CNTN5: variants seen among roughly 807,000 people sequenced by gnomAD.
The protein encoded by CNTN5 is contactin 5.
In CNTN5, 77 loss-of-function variants were observed where a neutral mutation model predicts 129.1. That is an observed-to-expected ratio of 0.60 (90% CI 0.50 to 0.72). The LOEUF (loss-of-function observed/expected upper bound fraction) is 0.72. Among genes scored for constraint, CNTN5 ranks in the 30% least tolerant of loss-of-function variants. The pLI, the probability that CNTN5 is intolerant of heterozygous loss-of-function variation, is 0.00. For synonymous variants in CNTN5, 509 were observed against 465.6 expected (o/e 1.09, Z -1.20); for missense variants, 1,478 against 1,328.8 (o/e 1.11, Z -1.75).
At chr11:99,411,566 A>C in intron 2 of CNTN5, among the ~76,000 whole-genome samples, 1 of 152,304 alleles carries the variant, frequency 6.6e-6, no homozygotes, top group Non-Finnish European at 1.5e-5. Flanking sequence ...AAAATTAGAA[A>C]GAAGCTCTTT....
intron 2 of CNTN5, among the ~76,000 whole-genome samples, chr11:99,554,218 C>T (rs1407004657): frequency 6.6e-6 from 1 of 152,076 alleles, no homozygotes; most frequent in Non-Finnish European, 1.5e-5. Context: ...CACAGGTTGT[C>T]CCTTTACTCT....
chr11:99,079,026 T>C (rs963345673), intron 1 of CNTN5, among the ~76,000 whole-genome samples: 1 of 152,162 alleles, frequency 6.6e-6, no homozygotes, highest in African/African-American at 2.4e-5. Context: ...TATTACACAT[T>C]GTATGCCTGT....
intron 3 of CNTN5, among the ~76,000 whole-genome samples, chr11:99,608,131 A>G (rs2135720827): frequency 6.7e-6 from 1 of 150,136 alleles, no homozygotes; most frequent in Admixed American, 6.6e-5. Flanking sequence ...GTGTTTGTGA[A>G]CTCAAAACTT....
chr11:99,637,812 A>G (rs1480129721), intron 3 of CNTN5, among the ~76,000 whole-genome samples: 1 of 151,598 alleles, frequency 6.6e-6, no homozygotes, highest in Non-Finnish European at 1.5e-5. Flanking sequence ...ATTATTTTAT[A>G]CATATTCAAA....
chr11:99,874,771 A>AG (rs1402434675), intron 6 of CNTN5, among the ~76,000 whole-genome samples: 2 of 152,208 alleles, frequency 1.3e-5, no homozygotes, highest in Non-Finnish European at 2.9e-5. Context: ...TTGATAAAAA[A>AG]GTAATTTATG....
intron 13 of CNTN5, among the ~76,000 whole-genome samples, chr11:100,087,394 A>G (rs1431768281): frequency 6.6e-6 from 1 of 151,872 alleles, no homozygotes; most frequent in Non-Finnish European, 1.5e-5. Flanking sequence ...AGAAATTTCT[A>G]CCAAAAAAAA....
At chr11:100,069,577 C>A (rs1475519129) in intron 10 of CNTN5, among the ~76,000 whole-genome samples, 2 of 152,048 alleles carry the variant, frequency 1.3e-5, no homozygotes, top group South Asian at 2.1e-4. Flanking sequence ...TTCTTAATAG[C>A]CTCTAAGATC....
intron 2 of CNTN5, among the ~76,000 whole-genome samples, chr11:99,419,960 G>T (rs1942815881): frequency 6.6e-6 from 1 of 152,024 alleles, no homozygotes; most frequent in African/African-American, 2.4e-5. Context: ...AAAAAAAGGA[G>T]TCTCCGTCTG....
At chr11:99,855,911 A>G (rs906375157) in intron 6 of CNTN5, among the ~76,000 whole-genome samples, 1 of 152,180 alleles carries the variant, frequency 6.6e-6, no homozygotes, top group African/African-American at 2.4e-5. Context: ...ATTTTTTTCA[A>G]TAAAATACAA....
At chr11:99,549,606 T>C (rs1948415721) in intron 2 of CNTN5, among the ~76,000 whole-genome samples, 1 of 152,176 alleles carries the variant, frequency 6.6e-6, no homozygotes. Context: ...TAATATTCTC[T>C]GTATTACTTT....
intron 13 of CNTN5, among the ~76,000 whole-genome samples, chr11:100,094,256 T>C (rs1012812270): frequency 2.0e-5 from 3 of 152,010 alleles, no homozygotes; most frequent in Non-Finnish European, 4.4e-5. Context: ...ACTGAAAACT[T>C]CTTCTTTCTC....
intron 2 of CNTN5, among the ~76,000 whole-genome samples, chr11:99,367,495 G>A (rs1939526159): frequency 6.6e-6 from 1 of 152,108 alleles, no homozygotes; most frequent in Non-Finnish European, 1.5e-5. Flanking sequence ...TTATTTTTGT[G>A]TGTAGGGAGA....
intron 1 of CNTN5, among the ~76,000 whole-genome samples, chr11:99,281,871 T>C (rs939593588): frequency 2.6e-5 from 4 of 152,038 alleles, no homozygotes; most frequent in African/African-American, 9.7e-5. Flanking sequence ...GATTGAAGGA[T>C]TTTCTTGCAC....
intron 2 of CNTN5, among the ~76,000 whole-genome samples, chr11:99,514,070 T>C (rs1030070085): frequency 6.6e-6 from 1 of 151,896 alleles, no homozygotes; most frequent in African/African-American, 2.4e-5. Context: ...TAACAAGGGG[T>C]TAAAAGATGT....
intron 3 of CNTN5, among the ~76,000 whole-genome samples, chr11:99,803,666 T>C (rs1391988574): frequency 6.6e-6 from 1 of 152,186 alleles, no homozygotes. Context: ...CTCTCTAAGT[T>C]AGCCCCAGGG....
At chr11:99,958,283 AG>A (rs1950855258) in intron 8 of CNTN5, among the ~76,000 whole-genome samples, 1 of 152,244 alleles carries the variant, frequency 6.6e-6, no homozygotes, top group African/African-American at 2.4e-5. Flanking sequence ...TTAAGAAGGT[AG>A]GATTACCAGC....
At chr11:99,480,093 AT>A (rs750076144) in intron 2 of CNTN5, among the ~76,000 whole-genome samples, 8 of 152,204 alleles carry the variant, frequency 5.3e-5, no homozygotes, top group Non-Finnish European at 1.2e-4. Context: ...GATTTGTGAT[AT>A]CTTTGATGCT....
intron 2 of CNTN5, among the ~76,000 whole-genome samples, chr11:99,329,705 A>G (rs1865924690): frequency 6.6e-6 from 1 of 152,142 alleles, no homozygotes; most frequent in Admixed American, 6.6e-5. Context: ...ATTCTAACAA[A>G]TGGAAAGATT....
rs1021131159 is a variant in CNTN5 at position 99,423,844 on chromosome 11, C to T, written c.-71+98360C>T. On this transcript the variant is annotated intron_variant, in intron 2 of 24. Coordinates refer to ENST00000524871, the MANE Select transcript of CNTN5 (RefSeq NM_014361.4). ...AGAGGCAGCATAAGACTAGTGATTT[C>T]GACTAGGGTGGGTATGGGGTGGGGG... is the stretch of plus-strand genomic sequence containing the variant. 2.0e-5 allele frequency among the ~76,000 whole-genome samples: 3 copies of T among 150,632 alleles called. 1 individual carries two copies. The highest frequency in any genetic ancestry group is 1.3e-4 in the Admixed American group (2 of 15,136).
Sources: gnomAD v4.1 joint callset for allele counts (sites outside exome capture counted in the v4.1 genomes callset) on GRCh38, gnomAD v4.1.1 for gene constraint, MANE v1.5 for transcripts, NCBI Gene and HGNC (gene_info 2026-07-23, HGNC 2026-07-21) for gene names.